EYS: variants seen among roughly 807,000 people sequenced by gnomAD.
EYS encodes protein eyes shut homolog.
In EYS, 250 loss-of-function variants were observed where a neutral mutation model predicts 282.1. The ratio of observed to expected loss-of-function variants is 0.89; its 90% CI spans 0.80 to 0.98. EYS has a LOEUF of 0.98. EYS is among the 50% of genes least tolerant of loss of function. EYS has a pLI of 0.00. For synonymous variants in EYS, 1,355 were observed against 1,282.9 expected (o/e 1.06, Z -1.20); for missense variants, 4,016 against 3,709.0 (o/e 1.08, Z -2.15).
At chr6:64,757,088 C>T (rs751344034) in intron 22 of EYS, among the ~76,000 whole-genome samples, 4 of 152,104 alleles carry the variant, frequency 2.6e-5, no homozygotes, top group Non-Finnish European at 4.4e-5. Context: ...ATTGAAGGTG[C>T]TCTATTACCT....
chr6:64,077,795 T>C (rs768739720), intron 32 of EYS, among the ~76,000 whole-genome samples: 2 of 152,026 alleles, frequency 1.3e-5, no homozygotes, highest in Non-Finnish European at 2.9e-5. Flanking sequence ...TTTCTGAAAG[T>C]GCACCTAAAG....
At chr6:64,174,875 A>C (rs568837533) in intron 31 of EYS, among the ~76,000 whole-genome samples, 1 of 152,106 alleles carries the variant, frequency 6.6e-6, no homozygotes, top group Non-Finnish European at 1.5e-5. Flanking sequence ...GTGGATATAC[A>C]AATCACATAA....
intron 22 of EYS, among the ~76,000 whole-genome samples, chr6:64,633,292 G>A (rs143289460): frequency 5.9e-5 from 9 of 152,190 alleles, no homozygotes; most frequent in South Asian, 2.1e-4. Flanking sequence ...ACCTGTCTCC[G>A]TAGTTATGAA....
In EYS at chr6:65,556,003, C is replaced by A. The variant is rs568071507; in HGVS notation, c.-332-60010G>T. Reference sequence around the variant, plus strand: ...ATTTTAAAATTGCATAAATAGCTTGCCTTTGTGGCTCACATTATATTTCCT... The same window carrying A: ...ATTTTAAAATTGCATAAATAGCTTGACTTTGTGGCTCACATTATATTTCCT... On this transcript the variant is annotated intron_variant, in intron 2 of 42. Coordinates refer to ENST00000503581, the MANE Select transcript of EYS (RefSeq NM_001142800.2). Among the ~76,000 whole-genome samples, 19 of 152,184 alleles carry A rather than the reference C, an allele frequency of 1.2e-4. No individual in the cohort carries two copies. In the East Asian group the frequency reaches 3.7e-3, roughly 29 times the overall value.
intron 15 of EYS, among the ~76,000 whole-genome samples, chr6:64,915,951 T>C (rs891507493): frequency 6.6e-6 from 1 of 152,142 alleles, no homozygotes. Context: ...GCTTTAAATC[T>C]AGTATCATTT....
intron 14 of EYS, among the ~76,000 whole-genome samples, chr6:64,990,019 T>C (rs922362822): frequency 1.3e-5 from 2 of 151,438 alleles, no homozygotes; most frequent in African/African-American, 4.8e-5. Context: ...CTTGCACATG[T>C]GCTTGTTTAC....
chr6:65,355,691 A>T (rs1443990366), intron 8 of EYS, among the ~76,000 whole-genome samples: 2 of 152,154 alleles, frequency 1.3e-5, no homozygotes, highest in African/African-American at 4.8e-5. Context: ...ATTTTTCAAA[A>T]GAAAACATAC....
chr6:64,957,661 A>G (rs1769756581), intron 14 of EYS, among the ~76,000 whole-genome samples: 1 of 152,182 alleles, frequency 6.6e-6, no homozygotes, highest in South Asian at 2.1e-4. Context: ...ATTCTCCATG[A>G]TTTGATTATT....
intron 7 of EYS, among the ~76,000 whole-genome samples, chr6:65,386,219 T>C (rs1226477360): frequency 6.6e-6 from 1 of 150,442 alleles, no homozygotes; most frequent in East Asian, 2.0e-4. Flanking sequence ...CTACTCTCAG[T>C]ACACACTAGG....
At chr6:64,940,218 T>G (rs1041571397) in intron 15 of EYS, among the ~76,000 whole-genome samples, 2 of 152,030 alleles carry the variant, frequency 1.3e-5, no homozygotes, top group African/African-American at 4.8e-5. Flanking sequence ...TCCCTGTGGA[T>G]CTACATGATG....
intron 12 of EYS, among the ~76,000 whole-genome samples, chr6:65,168,340 G>C (rs368101325): frequency 6.6e-6 from 1 of 151,162 alleles, no homozygotes; most frequent in Non-Finnish European, 1.5e-5. Context: ...TCGATTTAGG[G>C]CTGCCATAAC....
At chr6:63,783,381 A>G (rs770664331) in intron 39 of EYS, among the ~76,000 whole-genome samples, 4 of 152,168 alleles carry the variant, frequency 2.6e-5, no homozygotes, top group Non-Finnish European at 4.4e-5. Context: ...CTGACATCTC[A>G]CTGGCCAGAA....
chr6:64,198,792 T>G (rs1765376735), intron 31 of EYS, among the ~76,000 whole-genome samples: 1 of 152,188 alleles, frequency 6.6e-6, no homozygotes, highest in Non-Finnish European at 1.5e-5. Context: ...AACATACATG[T>G]GCATGTGTCT....
At chr6:63,931,228 T>G (rs927415991) in intron 35 of EYS, among the ~76,000 whole-genome samples, 3 of 152,212 alleles carry the variant, frequency 2.0e-5, no homozygotes, top group African/African-American at 7.2e-5. Flanking sequence ...TACATCTGCT[T>G]TCCACCTTCC....
rs1432610926 is a variant in EYS at position 64,111,137 on chromosome 6, G to A, written c.6425-29135C>T. On this transcript the variant is annotated intron_variant, in intron 31 of 42. Transcript: ENST00000503581. Reference sequence around the variant, plus strand: ...ACATTTCATAGTTTCTGTTACAGGGGGAATATGATCTGAGTTACTTAGGGT... The same window carrying A: ...ACATTTCATAGTTTCTGTTACAGGGAGAATATGATCTGAGTTACTTAGGGT... 2.6e-5 allele frequency among the ~76,000 whole-genome samples: 4 copies of A among 151,948 alleles called. No individual in the cohort carries two copies. The East Asian group carries it at 7.7e-4, about 29-fold the overall frequency.
intron 22 of EYS, among the ~76,000 whole-genome samples, chr6:64,632,745 T>C (rs1232860263): frequency 6.6e-6 from 1 of 152,114 alleles, no homozygotes; most frequent in African/African-American, 2.4e-5. Context: ...GGTTGATAAG[T>C]AGGGGATATT....
Position 65,332,356 on chromosome 6 carries a change from G to T in EYS, c.1766+2624C>A, listed in dbSNP as rs972816351. 3.6e-6 allele frequency: 3 copies of T among 828,868 alleles called. No individual in the cohort carries two copies. The African/African-American group carries it at 5.1e-5, about 14-fold the overall frequency. The allele number at this position is 828,868 out of a possible 1,614,324, so 51.3% of individuals were successfully genotyped here. ...CTTACGATAAATCCCACCTGGTCATGCTGTATAAACCTTTCTATATGTTGC... is the reference window on the plus strand; with the variant it reads ...CTTACGATAAATCCCACCTGGTCATTCTGTATAAACCTTTCTATATGTTGC... On this transcript the variant is annotated intron_variant, in intron 11 of 42. Coordinates refer to ENST00000503581, the MANE Select transcript of EYS (RefSeq NM_001142800.2).
At chr6:64,934,823 A>C (rs1768850811) in intron 15 of EYS, among the ~76,000 whole-genome samples, 1 of 151,878 alleles carries the variant, frequency 6.6e-6, no homozygotes, top group African/African-American at 2.4e-5. Flanking sequence ...CACACATAAA[A>C]ATCATGAGAT....
intron 5 of EYS, among the ~76,000 whole-genome samples, chr6:65,473,334 A>G (rs1166467086): frequency 1.3e-5 from 2 of 152,016 alleles, no homozygotes; most frequent in Non-Finnish European, 2.9e-5. Flanking sequence ...AAGGCAAACA[A>G]ACCCAAAAAT....
Sources: allele counts gnomAD v4.1 joint callset (sites outside exome capture counted in the v4.1 genomes callset), GRCh38; gene constraint gnomAD v4.1.1; transcripts MANE v1.5; gene names NCBI Gene and HGNC (gene_info 2026-07-23, HGNC 2026-07-21).